The following TBKBP1 variants were observed in gnomAD, a reference collection of about 807,000 sequenced individuals.
TBKBP1 encodes the protein TANK-binding kinase 1-binding protein 1.
TBKBP1 carries 47 observed loss-of-function variants against 69.9 expected under a neutral mutation model. The observed-to-expected ratio is 0.67, with a 90% confidence interval of 0.53 to 0.86. The LOEUF (loss-of-function observed/expected upper bound fraction) is 0.86. TBKBP1 is among the 40% of genes least tolerant of loss of function. The pLI is 0.00. For missense variants in TBKBP1, 831 were observed against 858.6 expected, an observed-to-expected ratio of 0.97 and a Z score of 0.40; for synonymous variants, 418 against 390.3, an observed-to-expected ratio of 1.07 and a Z score of -0.84.
At position 47,696,266 on chromosome 17, in the gene TBKBP1, A is replaced by G. The variant is rs1395285436; in HGVS notation, c.154A>G (p.Lys52Glu). 1 of 1,613,564 alleles carries G rather than the reference A, an allele frequency of 6.2e-7. No homozygotes were observed. Among genetic ancestry groups the G allele is most frequent in the Admixed American group, 1.7e-5 (1 of 59,994 alleles). Residue 52 changes from lysine to glutamate, a missense_variant, in exon 2 of 10, where the codon AAG becomes GAG. Transcript: ENST00000578982. Reference protein sequence around the residue: ...FALITAYGDIKERLGGLEREN... With the variant: ...FALITAYGDIEERLGGLEREN... The stretch of plus-strand genomic sequence containing the variant: ...CCTCATCACTGCTTACGGAGACATC[A>G]AGGAACGGCTGGGGGGCCTGGAGAG...
chr17:47,706,963 A>G (rs958205792), intron 7 of TBKBP1, among the ~76,000 whole-genome samples: 20 of 151,710 alleles, frequency 1.3e-4, no homozygotes, highest in African/African-American at 4.9e-4. Flanking sequence ...GTCCATCACT[A>G]TGGGATGGGG....
rs1334794909 is a variant in TBKBP1 at position 47,708,974 on chromosome 17, G to A, written c.1241G>A (p.Arg414His). 2.6e-6 allele frequency: 3 copies of A among 1,132,648 alleles called. No individual in the cohort carries two copies. The highest frequency in any genetic ancestry group is 1.7e-5 in the African/African-American group (1 of 58,684). The allele number at this position is 1,132,648 out of a possible 1,614,324, so 70.2% of individuals were successfully genotyped here. ...PSCQSPSPQR[R>H]SPVPPSCPAP... ...TGCCAGTCCCCCAGCCCGCAGCGCC[G>A]TTCCCCGGTGCCCCCCAGCTGCCCG... The change falls in exon 9 of 10, where the codon CGT becomes CAT. Residue 414 changes from arginine to histidine, a missense_variant. Arg to His is a conservative substitution (Grantham distance 29). Coordinates refer to ENST00000578982, the MANE Select transcript of TBKBP1 (RefSeq NM_001394755.1). This position sits in a 1 kb window ranked among gnomAD's most constrained non-coding sequence, Gnocchi z 4.4.
In TBKBP1 at chr17:47,696,836, G is replaced by A. The variant is rs759268457; in HGVS notation, c.348+3G>A. The A allele has an allele frequency of 5.0e-6, 8 of 1,613,330 alleles. No individual in the cohort carries two copies. In the Admixed American group the frequency reaches 5.0e-5, roughly 10 times the overall value. On this transcript the variant is annotated splice_donor_region_variant and intron_variant, in intron 3 of 9. Coordinates refer to ENST00000578982, the MANE Select transcript of TBKBP1 (RefSeq NM_001394755.1). ...GGCTCAACCAGTTCCAGCATGAGGT[G>A]AGCCTACCAGGCTGGGCGCACCCCC...
At chr17:47,703,137 A>G (rs1053342188) in intron 7 of TBKBP1, among the ~76,000 whole-genome samples, 8 of 152,058 alleles carry the variant, frequency 5.3e-5, no homozygotes, top group Admixed American at 5.2e-4. Context: ...GGAAAAAACT[A>G]TAGGCCTTTC....
rs780941015 is a variant in TBKBP1 at position 47,696,309 on chromosome 17, G to A, written c.197G>A (p.Arg66Gln). Residue 66 changes from arginine (R) to glutamine (Q), a missense_variant, in exon 2 of 10, where the codon CGA becomes CAA. Arg to Gln is a conservative substitution (Grantham distance 43, BLOSUM62 1). Coordinates refer to ENST00000578982, the MANE Select transcript of TBKBP1 (RefSeq NM_001394755.1). Reference protein sequence around the residue: ...GGLERENATLRRRLKVYEIKY... With the variant: ...GGLERENATLQRRLKVYEIKY... ...CTGGAGAGGGAGAACGCCACCCTCC[G>A]ACGCCGCCTCAAAGTCTACGAGATC... 9 of 1,613,138 alleles carry A rather than the reference G, an allele frequency of 5.6e-6. No homozygotes were observed. Among genetic ancestry groups the A allele is most frequent in the Admixed American group, 5.0e-5 (3 of 59,996 alleles).
chr17:47,709,877 C>T (rs1043496824), intron 9 of TBKBP1, among the ~76,000 whole-genome samples: 2 of 152,212 alleles, frequency 1.3e-5, no homozygotes, highest in African/African-American at 4.8e-5. Context: ...CTAAAGTGGT[C>T]AGCACAGTGC....
rs569399963 is a variant in TBKBP1 at position 47,708,042 on chromosome 17, A to G, written c.873-352A>G. 2.0e-5 allele frequency among the ~76,000 whole-genome samples: 3 copies of G among 152,340 alleles called. No homozygotes were observed. Among genetic ancestry groups the G allele is most frequent in the South Asian group, 2.1e-4 (1 of 4,830 alleles). On this transcript the variant is annotated intron_variant, in intron 7 of 9. Coordinates refer to ENST00000578982, the MANE Select transcript of TBKBP1 (RefSeq NM_001394755.1). This position sits in a 1 kb window ranked among gnomAD's most constrained non-coding sequence, Gnocchi z 4.4. ...CATCACAGCTTTTGCACAGATTAGA[A>G]AAACATTCACACATACCTGTATGAG... is the stretch of plus-strand genomic sequence containing the variant.
Position 47,709,390 on chromosome 17 carries a change from G to T in TBKBP1, c.1657G>T (p.Glu553Ter). 6.5e-7 allele frequency: 1 copy of T among 1,533,664 alleles called. No individual in the cohort carries two copies. The highest frequency in any genetic ancestry group is 8.7e-7 in the Non-Finnish European group (1 of 1,147,574). Reference protein sequence around the residue: ...ASFCAGFPIPESPAATAYAHA... With the variant: ...ASFCAGFPIP ...CTTCTGCGCGGGCTTCCCCATCCCC[G>T]AGTCGCCCGCCGCCACCGCCTACGC... Residue 553 changes from glutamate to a stop codon, truncating the protein, a stop_gained, in exon 9 of 10, where the codon GAG becomes TAG. Transcript: ENST00000578982. LOFTEE classifies it high-confidence loss of function.
In TBKBP1 at chr17:47,708,464, C is replaced by T; in HGVS notation, c.943C>T (p.Gln315Ter). Residue 315 changes from glutamine (Q) to a stop codon, truncating the protein, a stop_gained, in exon 8 of 10, where the codon CAG becomes TAG. Transcript: ENST00000578982. LOFTEE classifies it high-confidence loss of function. The surrounding 1 kb of genome is among the most constrained non-coding windows in gnomAD (Gnocchi z 4.4). ...CCGGCTTCGGGAGTTGAGTTCCCTA[C>T]AGGGGAGAATCTTGAGGACTCTGTT... ...LGRLRELSSL[Q>*]GRILRTLLQE... is the part of the protein sequence containing the mutation. 1 of 1,613,924 alleles carries T rather than the reference C, an allele frequency of 6.2e-7. No homozygotes were observed. Among genetic ancestry groups the T allele is most frequent in the South Asian group, 1.1e-5 (1 of 91,082 alleles).
At chr17:47,700,289 CTTTTTTTTTTT>C (rs774797034) in intron 7 of TBKBP1, among the ~76,000 whole-genome samples, 1,730 of 41,478 alleles carry the variant, frequency 0.042, 52 homozygotes, top group Non-Finnish European at 0.057. Context: ...GCGCCCGGAC[CTTTTTTTTTTT>C]TTTTTTTTTT....
intron 1 of TBKBP1, among the ~76,000 whole-genome samples, chr17:47,694,898 G>GT (rs2031156334): frequency 7.1e-6 from 1 of 140,592 alleles, no homozygotes; most frequent in African/African-American, 2.7e-5. Flanking sequence ...AGGGGGGGGG[G>GT]TGGATTGAAT....
intron 5 of TBKBP1, among the ~76,000 whole-genome samples, chr17:47,699,033 G>C (rs1004226382): frequency 6.6e-6 from 1 of 151,102 alleles, no homozygotes; most frequent in African/African-American, 2.4e-5. Flanking sequence ...GAGTCCCCCC[G>C]CCCCGTCTCT....
At chr17:47,700,211 G>A (rs1255904220) in intron 7 of TBKBP1, among the ~76,000 whole-genome samples, 3 of 149,344 alleles carry the variant, frequency 2.0e-5, no homozygotes, top group African/African-American at 2.5e-5. Flanking sequence ...GGATGGTCTC[G>A]ATCTCCTGAC....
chr17:47,698,746 C>T lies in TBKBP1; in HGVS notation c.605C>T (p.Ala202Val). Residue 202 changes from alanine (A) to valine (V), a missense_variant, in exon 5 of 10, where the codon GCA becomes GTA. Transcript: ENST00000578982. ...PCTDLDLHYL[A>V]LRGGSGLSHA... ...ACTGATTTAGACCTGCACTACCTGG[C>T]ACTGAGAGGGGGATCTGGCTTGAGT... The T allele has an allele frequency of 6.3e-7, 1 of 1,587,988 alleles. No individual in the cohort carries two copies. Among genetic ancestry groups the T allele is most frequent in the Non-Finnish European group, 8.6e-7 (1 of 1,164,364 alleles).
rs746109183 is a variant in TBKBP1, at chr17:47,699,707, A to G, written c.872+10A>G. On this transcript the variant is annotated intron_variant, in intron 7 of 9. Transcript: ENST00000578982. The stretch of plus-strand genomic sequence containing the variant: ...GAGTTGGGGATGATCAGTAAGTCAC[A>G]TTGGTAACCCTGGTCCCTCCGTGAT... The G allele has an allele frequency of 6.8e-6, 11 of 1,613,808 alleles. No individual in the cohort carries two copies. Among genetic ancestry groups the G allele is most frequent in the Non-Finnish European group, 8.5e-6 (10 of 1,179,840 alleles).
chr17:47,708,763 G>GGCC lies in TBKBP1; in HGVS notation c.1030_1031insGCC (p.Ala344delinsGlyPro). Reference sequence around the variant, plus strand: ...GCCGCTGTCACAACGCCACTCCCCGGCCCCCCAGTGCCCCTCCCCCTCCCC... The same window carrying GGCC: ...GCCGCTGTCACAACGCCACTCCCCGGGCCCCCCCCAGTGCCCCTCCCCCTCCCC... On this transcript the variant is annotated protein_altering_variant, in exon 9 of 10. Transcript: ENST00000578982. This position sits in a 1 kb window ranked among gnomAD's most constrained non-coding sequence, Gnocchi z 4.4. 4.6e-6 allele frequency: 5 copies of GGCC among 1,092,876 alleles called. No homozygotes were observed. The highest frequency in any genetic ancestry group is 6.4e-6 in the Non-Finnish European group (5 of 786,842). The allele number at this position is 1,092,876 out of a possible 1,614,324, so 67.7% of individuals were successfully genotyped here.
Position 47,710,808 on chromosome 17 carries a change from C to T in TBKBP1, c.*182C>T, listed in dbSNP as rs1806844280. On this transcript the variant is annotated 3_prime_UTR_variant, in exon 10 of 10. Coordinates refer to ENST00000578982, the MANE Select transcript of TBKBP1 (RefSeq NM_001394755.1). Reference sequence around the variant, plus strand: ...GTCCAGGCACCACTCAGCTCTGGCTCTTCCTGGGAGGTCAGCCGAGGCTCC... The same window carrying T: ...GTCCAGGCACCACTCAGCTCTGGCTTTTCCTGGGAGGTCAGCCGAGGCTCC... 4.6e-6 allele frequency: 4 copies of T among 877,216 alleles called. No homozygotes were observed. In the East Asian group the frequency reaches 8.7e-5, roughly 19 times the overall value. The allele number at this position is 877,216 out of a possible 1,614,324, so 54.3% of individuals were successfully genotyped here.
chr17:47,706,828 GACACACACACACACACACACACACAC>G (rs55849029), intron 7 of TBKBP1, among the ~76,000 whole-genome samples: 2 of 134,158 alleles, frequency 1.5e-5, no homozygotes, highest in African/African-American at 5.7e-5. Context: ...GTTAGACTTA[GACACACACACACACACACACACACAC>G]ACACACACAC....
At position 47,696,215 on chromosome 17, in the gene TBKBP1, G is replaced by A; in HGVS notation, c.103G>A (p.Asp35Asn). 3 of 1,613,714 alleles carry A rather than the reference G, an allele frequency of 1.9e-6. No individual in the cohort carries two copies. Among genetic ancestry groups the A allele is most frequent in the Non-Finnish European group, 1.7e-6 (2 of 1,179,856 alleles). The change falls in exon 2 of 10, where the codon GAC (aspartate) becomes AAC (asparagine). Residue 35 changes from aspartate to asparagine, a missense_variant. By Grantham distance (23) the Asp-to-Asn change is conservative. Coordinates refer to ENST00000578982, the MANE Select transcript of TBKBP1 (RefSeq NM_001394755.1). ...DSPGDPSLGGDMCSASHFALI... is the reference protein window; with the variant it reads ...DSPGDPSLGGNMCSASHFALI... ...TCCCGGAGACCCCTCGCTTGGGGGC[G>A]ACATGTGCTCCGCCTCCCACTTTGC...
Sources: allele counts gnomAD v4.1 joint callset (sites outside exome capture counted in the v4.1 genomes callset), GRCh38; gene constraint gnomAD v4.1.1; non-coding constraint Gnocchi (gnomAD v3.1); transcripts MANE v1.5; gene names NCBI Gene and HGNC (gene_info 2026-07-23, HGNC 2026-07-21).